The following CPNE4 variants were observed in gnomAD, a reference collection of about 807,000 sequenced individuals.
The protein encoded by CPNE4 is copine 4, also known as copine-4.
Under a neutral mutation model 67.9 loss-of-function variants are expected in CPNE4, and 25 were observed. That is an observed-to-expected ratio of 0.37 (90% CI 0.27 to 0.51). The LOEUF (loss-of-function observed/expected upper bound fraction) is 0.51. Among genes scored for constraint, CPNE4 ranks in the 20% least tolerant of loss-of-function variants. The probability of loss-of-function intolerance (pLI) is 0.93; values close to 1 mark genes in which losing one functional copy is unlikely to be tolerated. For missense variants in CPNE4, 464 were observed against 690.8 expected (o/e 0.67, Z 3.68); for synonymous variants, 242 against 244.9 (o/e 0.99, Z 0.11).
chr3:131,760,210 A>G (rs567609332), intron 2 of CPNE4, among the ~76,000 whole-genome samples: 2 of 152,296 alleles, frequency 1.3e-5, no homozygotes, highest in Non-Finnish European at 2.9e-5. Flanking sequence ...GGACTGCCTA[A>G]GTTATATCTG....
At chr3:131,904,953 G>A (rs948470233) in intron 2 of CPNE4, among the ~76,000 whole-genome samples, 4 of 152,064 alleles carry the variant, frequency 2.6e-5, no homozygotes, top group Non-Finnish European at 5.9e-5. Context: ...CTGGGTTCAC[G>A]TCTGTTCCTG....
At chr3:131,655,624 A>G (rs1385169540) in intron 7 of CPNE4, among the ~76,000 whole-genome samples, 1 of 152,086 alleles carries the variant, frequency 6.6e-6, no homozygotes, top group Non-Finnish European at 1.5e-5. Flanking sequence ...AGTAAAGTTA[A>G]TTGCCACAGG....
Position 131,832,401 on chromosome 3 carries a change from GC to G in CPNE4, c.180+72862del, listed in dbSNP as rs5852656. ...ATGGTTTCAAAAGTGGGGGACCATTGCCTTTCTTTCAAGGACTAGACAGAGT... is the reference window on the plus strand; with the variant it reads ...ATGGTTTCAAAAGTGGGGGACCATTGCTTTCTTTCAAGGACTAGACAGAGT... On this transcript the variant is annotated intron_variant, in intron 2 of 15. Coordinates refer to ENST00000429747, the MANE Select transcript of CPNE4 (RefSeq NM_130808.3). Among the ~76,000 whole-genome samples, 741 of 152,252 alleles carry G rather than the reference GC, an allele frequency of 4.9e-3. 9 individuals carry two copies. Among genetic ancestry groups the G allele is most frequent in the African/African-American group, 0.017 (708 of 41,544 alleles).
Position 131,792,923 on chromosome 3 carries a change from G to GTATA in CPNE4, c.181-69299_181-69298insTATA, listed in dbSNP as rs1404922942. Among the ~76,000 whole-genome samples, 31 of 46,870 alleles carry GTATA rather than the reference G, an allele frequency of 6.6e-4. 1 individual carries two copies. The highest frequency in any genetic ancestry group is 4.7e-3 in the East Asian group (7 of 1,482). The allele number at this position is 46,870 out of a possible 152,430, so 30.7% of individuals were successfully genotyped here. A position where few individuals can be genotyped will look rare whatever the true frequency, so the allele number is the denominator to read the frequency against. ...TGTGTGTGTGTGTGTGTGTGTGTGT[G>GTATA]TGTATCTCCAACAAAACATGCCAAA... On this transcript the variant is annotated intron_variant, in intron 2 of 15. Coordinates refer to ENST00000429747, the MANE Select transcript of CPNE4 (RefSeq NM_130808.3).
intron 7 of CPNE4, among the ~76,000 whole-genome samples, chr3:131,639,124 A>C (rs2079472267): frequency 6.6e-6 from 1 of 152,106 alleles, no homozygotes; most frequent in African/African-American, 2.4e-5. Context: ...AGAACAATCG[A>C]AATCCAAACC....
At chr3:132,018,162 T>G (rs1398418567) in intron 1 of CPNE4, among the ~76,000 whole-genome samples, 1 of 79,510 alleles carries the variant, frequency 1.3e-5, no homozygotes. Context: ...ATGTATATAT[T>G]TTTAAAAAAG....
At chr3:131,749,709 T>C (rs2082577794) in intron 2 of CPNE4, among the ~76,000 whole-genome samples, 1 of 152,194 alleles carries the variant, frequency 6.6e-6, no homozygotes, top group Admixed American at 6.5e-5. Context: ...AAGATTTCTC[T>C]CTTTTTTGGC....
chr3:131,559,356 G>T (rs1352660470), intron 11 of CPNE4, among the ~76,000 whole-genome samples: 1 of 151,928 alleles, frequency 6.6e-6, no homozygotes, highest in African/African-American at 2.4e-5. Flanking sequence ...AACTGAGTTA[G>T]AATTGATGCT....
At chr3:131,904,884 CA>C (rs1209623475) in intron 2 of CPNE4, among the ~76,000 whole-genome samples, 2 of 152,090 alleles carry the variant, frequency 1.3e-5, no homozygotes, top group East Asian at 1.9e-4. Flanking sequence ...GCCTTGGCCA[CA>C]AGACTTTGTC....
chr3:131,804,329 A>T (rs1252900734), intron 2 of CPNE4, among the ~76,000 whole-genome samples: 1 of 152,144 alleles, frequency 6.6e-6, no homozygotes, highest in South Asian at 2.1e-4. Flanking sequence ...AATGTCAAGC[A>T]GCTGGCAAGT....
intron 3 of CPNE4, among the ~76,000 whole-genome samples, chr3:131,719,998 C>G (rs1168973315): frequency 6.6e-6 from 1 of 152,182 alleles, no homozygotes; most frequent in Non-Finnish European, 1.5e-5. Flanking sequence ...GGATAGGGCT[C>G]TTTTCTACAT....
intron 2 of CPNE4, among the ~76,000 whole-genome samples, chr3:131,787,842 A>G: frequency 6.6e-6 from 1 of 152,152 alleles, no homozygotes; most frequent in Non-Finnish European, 1.5e-5. Flanking sequence ...AGGACATATC[A>G]CAGTGCCCTT....
chr3:131,776,615 C>A (rs563319794), intron 2 of CPNE4, among the ~76,000 whole-genome samples: 3 of 152,098 alleles, frequency 2.0e-5, no homozygotes, highest in Non-Finnish European at 4.4e-5. Context: ...ATACCCCTAG[C>A]GATAAAGCAG....
intron 1 of CPNE4, among the ~76,000 whole-genome samples, chr3:132,020,033 G>A (rs1465663810): frequency 6.6e-6 from 1 of 152,172 alleles, no homozygotes; most frequent in Non-Finnish European, 1.5e-5. Flanking sequence ...AGGTACAAGA[G>A]TCAGAACGCG....
At chr3:131,588,984 T>C (rs72999241) in intron 7 of CPNE4, among the ~76,000 whole-genome samples, 3,994 of 152,270 alleles carry the variant, frequency 0.026, 97 homozygotes, top group African/African-American at 0.071. Flanking sequence ...GGCTAGCAGG[T>C]CTTCCAAGGT....
chr3:131,698,133 G>A (rs148026855), intron 4 of CPNE4, among the ~76,000 whole-genome samples: 3,789 of 150,576 alleles, frequency 0.025, 117 homozygotes, highest in African/African-American at 0.073. Context: ...TACTCGGGAG[G>A]CTGAGGCAGG....
intron 10 of CPNE4, among the ~76,000 whole-genome samples, chr3:131,570,889 C>T (rs1348502877): frequency 6.6e-6 from 1 of 152,020 alleles, no homozygotes; most frequent in Non-Finnish European, 1.5e-5. Context: ...GGGCTGTTAC[C>T]TCTGCTTATA....
intron 1 of CPNE4, among the ~76,000 whole-genome samples, chr3:131,951,739 T>A (rs2071730566): frequency 6.6e-6 from 1 of 152,234 alleles, no homozygotes; most frequent in Non-Finnish European, 1.5e-5. Flanking sequence ...GTTTTCGTAT[T>A]TTTTTGGTGG....
chr3:131,778,076 G>A (rs952834531), intron 2 of CPNE4, among the ~76,000 whole-genome samples: 1 of 152,036 alleles, frequency 6.6e-6, no homozygotes, highest in Non-Finnish European at 1.5e-5. Flanking sequence ...AGCCTGCCTT[G>A]GTCTTGCCCT....
Sources: allele counts gnomAD v4.1 joint callset (sites outside exome capture counted in the v4.1 genomes callset), GRCh38; gene constraint gnomAD v4.1.1; transcripts MANE v1.5; gene names NCBI Gene and HGNC (gene_info 2026-07-23, HGNC 2026-07-21).